Variants in MICAL2 observed in about 807,000 individuals in gnomAD.
The protein encoded by MICAL2 is [F-actin]-monooxygenase MICAL2.
In MICAL2, 77 loss-of-function variants were observed where a neutral mutation model predicts 127.3. The observed-to-expected ratio is 0.60, with a 90% CI of 0.50 to 0.73. The LOEUF is 0.73. Among genes scored for constraint, MICAL2 ranks in the 30% least tolerant of loss-of-function variants. The pLI is 0.00. For synonymous variants in MICAL2, 570 were observed against 551.1 expected (o/e 1.03, Z -0.48); for missense variants, 1,351 against 1,434.4 (o/e 0.94, Z 0.94).
At position 12,136,300 on chromosome 11, in the gene MICAL2, C is replaced by T. The variant is rs974403088; in HGVS notation, c.-148-2090C>T. Among the ~76,000 whole-genome samples, 10 of 152,278 alleles carry T rather than the reference C, an allele frequency of 6.6e-5. No individual in the cohort carries two copies. In the East Asian group the frequency reaches 9.7e-4, roughly 15 times the overall value. Reference sequence around the variant, plus strand: ...GGGCGTGGACTCAGGCCAGCTCCATCGGGAGTCCCAGAGCTGCTGTGGTCT... The same window carrying T: ...GGGCGTGGACTCAGGCCAGCTCCATTGGGAGTCCCAGAGCTGCTGTGGTCT... On this transcript the variant is annotated intron_variant, in intron 1 of 27. Transcript: ENST00000683283.
At chr11:12,357,102 G>A (rs1939140947) in intron 34 of MICAL2, among the ~76,000 whole-genome samples, 1 of 152,088 alleles carries the variant, frequency 6.6e-6, no homozygotes, top group African/African-American at 2.4e-5. Flanking sequence ...GTGTTTCTTT[G>A]TCTCCCTTTC....
chr11:12,167,561 T>C, intron 3 of MICAL2, among the ~76,000 whole-genome samples: 1 of 152,158 alleles, frequency 6.6e-6, no homozygotes, highest in South Asian at 2.1e-4. Context: ...AAGTCATCCA[T>C]CATGGCTGCG....
intron 25 of MICAL2, 27 bp from the exon 26 acceptor site, chr11:12,259,768 A>G: frequency 1.4e-5 from 22 of 1,518,758 alleles, no homozygotes; most frequent in Non-Finnish European, 1.9e-5. Flanking sequence ...TTACAGACAA[A>G]TGCCCTCATT....
chr11:12,118,724 C>T (rs545453483), intron 1 of MICAL2, among the ~76,000 whole-genome samples: 3 of 152,176 alleles, frequency 2.0e-5, no homozygotes, highest in Admixed American at 1.3e-4. Flanking sequence ...TGGCCTTGGG[C>T]GAGTTAATGA....
chr11:12,144,474 CT>C (rs1393015058), intron 2 of MICAL2, among the ~76,000 whole-genome samples: 5 of 152,148 alleles, frequency 3.3e-5, no homozygotes, highest in African/African-American at 1.2e-4. Flanking sequence ...TTTCTGGGCC[CT>C]GGAACCTATG....
Position 12,182,699 on chromosome 11 carries a change from C to T in MICAL2, c.264+20280C>T, listed in dbSNP as rs112944217. Reference sequence around the variant, plus strand: ...CCATTGTTCGAGTCAGAGGTGGTGTCGTAATGCCTCAATGGATGGCTAGTC... The same window carrying T: ...CCATTGTTCGAGTCAGAGGTGGTGTTGTAATGCCTCAATGGATGGCTAGTC... On this transcript the variant is annotated intron_variant, in intron 3 of 27. Transcript: ENST00000683283. Among the ~76,000 whole-genome samples, 539 of 152,218 alleles carry T rather than the reference C, an allele frequency of 3.5e-3. 5 individuals carry two copies. The highest frequency in any genetic ancestry group is 0.012 in the African/African-American group (502 of 41,516).
rs554302042 is a variant in MICAL2 at position 12,175,411 on chromosome 11, G to A, written c.264+12992G>A. On this transcript the variant is annotated intron_variant, in intron 3 of 27. Coordinates refer to ENST00000683283, the MANE Select transcript of MICAL2 (RefSeq NM_001282663.2). Reference sequence around the variant, plus strand: ...AAACTGCTTGAACCCAGGAGGTGGAGGTTGCAGTGAGCCGAGATTGCGCCA... The same window carrying A: ...AAACTGCTTGAACCCAGGAGGTGGAAGTTGCAGTGAGCCGAGATTGCGCCA... Among the ~76,000 whole-genome samples the A allele has an allele frequency of 2.0e-5, 3 of 152,284 alleles. No individual in the cohort carries two copies. The East Asian group carries it at 5.8e-4, about 29-fold the overall frequency.
At chr11:12,178,141 C>T (rs1164387208) in intron 3 of MICAL2, among the ~76,000 whole-genome samples, 2 of 152,106 alleles carry the variant, frequency 1.3e-5, no homozygotes, top group Admixed American at 1.3e-4. Flanking sequence ...ACTGTGCCTA[C>T]ATGATGAAGC....
chr11:12,224,085 C>T (rs1857129285), intron 12 of MICAL2, among the ~76,000 whole-genome samples: 7 of 152,160 alleles, frequency 4.6e-5, no homozygotes, highest in Admixed American at 4.6e-4. Context: ...CACGACATGC[C>T]CCACTGCTGT....
At chr11:12,330,851 GA>G (rs1565307321) in intron 32 of MICAL2, among the ~76,000 whole-genome samples, 14 of 150,938 alleles carry the variant, frequency 9.3e-5, no homozygotes, top group South Asian at 2.1e-4. Flanking sequence ...GAGAGAGACA[GA>G]GAGAGGGGTA....
At chr11:12,136,685 AG>A (rs1435276639) in intron 1 of MICAL2, among the ~76,000 whole-genome samples, 2 of 152,046 alleles carry the variant, frequency 1.3e-5, no homozygotes, top group Non-Finnish European at 2.9e-5. Context: ...TTGGTGTTAC[AG>A]GGAGCTCAAG....
intron 23 of MICAL2, 95 bp from the exon 24 acceptor site, chr11:12,256,690 C>G: frequency 8.2e-7 from 1 of 1,225,042 alleles, no homozygotes; most frequent in South Asian, 1.6e-5. Context: ...CACGAGGTCC[C>G]CAGCATTCAG....
At chr11:12,115,109 G>A (rs768001364) in intron 1 of MICAL2, among the ~76,000 whole-genome samples, 67 of 152,216 alleles carry the variant, frequency 4.4e-4, no homozygotes, top group Non-Finnish European at 8.2e-4. Flanking sequence ...TGGGCAAGTT[G>A]TGGTGCCTTC....
At chr11:12,346,013 C>A (rs562982210) in intron 32 of MICAL2, among the ~76,000 whole-genome samples, 1 of 152,226 alleles carries the variant, frequency 6.6e-6, no homozygotes, top group Non-Finnish European at 1.5e-5. Flanking sequence ...AATATACTTA[C>A]TGTTTTCCAT....
At chr11:12,229,558 G>C (rs755463491) in intron 15 of MICAL2, among the ~76,000 whole-genome samples, 4 of 152,160 alleles carry the variant, frequency 2.6e-5, no homozygotes, top group Admixed American at 2.0e-4. Flanking sequence ...TCCATTCACC[G>C]CGTTTCTGCC....
At chr11:12,118,015 C>T (rs977881782) in intron 1 of MICAL2, among the ~76,000 whole-genome samples, 12 of 152,140 alleles carry the variant, frequency 7.9e-5, no homozygotes, top group Non-Finnish European at 1.5e-4. Context: ...CGGCCACATG[C>T]CTGGAGTTGC....
At chr11:12,347,764 T>A (rs1163006541) in intron 32 of MICAL2, among the ~76,000 whole-genome samples, 1 of 152,196 alleles carries the variant, frequency 6.6e-6, no homozygotes, top group East Asian at 1.9e-4. Context: ...GTATAGGTTA[T>A]ATGCAAATAC....
intron 2 of MICAL2, among the ~76,000 whole-genome samples, chr11:12,153,786 T>A (rs965052946): frequency 6.6e-6 from 1 of 152,222 alleles, no homozygotes; most frequent in Non-Finnish European, 1.5e-5. Context: ...CTCTCACTGT[T>A]AGTTTTGAGA....
chr11:12,122,098 G>C (rs574004237), intron 1 of MICAL2, among the ~76,000 whole-genome samples: 1 of 152,340 alleles, frequency 6.6e-6, no homozygotes, highest in Admixed American at 6.5e-5. Context: ...GTCACAGACA[G>C]ACCATGGGTT....
Sources: gnomAD v4.1 joint callset for allele counts (sites outside exome capture counted in the v4.1 genomes callset) on GRCh38, gnomAD v4.1.1 for gene constraint, MANE v1.5 for transcripts, NCBI Gene and HGNC (gene_info 2026-07-23, HGNC 2026-07-21) for gene names.